Variants in FAM114A1 observed in about 807,000 individuals in gnomAD.
FAM114A1 encodes the protein protein NOXP20.
In FAM114A1, 62 loss-of-function variants were observed where a neutral mutation model predicts 64.3. The observed-to-expected ratio is 0.96, with a 90% confidence interval of 0.79 to 1.19. The LOEUF (loss-of-function observed/expected upper bound fraction) is 1.19, where lower values mean the gene tolerates loss of function less well. Among genes scored for constraint, FAM114A1 ranks in the 50% most tolerant of loss-of-function variants. The pLI is 0.00. For missense variants in FAM114A1, 645 were observed against 676.3 expected (o/e 0.95, Z 0.51); for synonymous variants, 254 against 251.1 (o/e 1.01, Z -0.11).
rs887649495 is a variant in FAM114A1 at position 38,943,627 on chromosome 4, A to G, written c.*70A>G. Reference sequence around the variant, plus strand: ...GCCTCAATATGTACCATTTAAGGGGATGTTCTCTGTGCGCCTGGCCACAGA... The same window carrying G: ...GCCTCAATATGTACCATTTAAGGGGGTGTTCTCTGTGCGCCTGGCCACAGA... On this transcript the variant is annotated 3_prime_UTR_variant, in exon 15 of 15. Coordinates refer to ENST00000358869, the MANE Select transcript of FAM114A1 (RefSeq NM_138389.4). 2.2e-6 allele frequency: 3 copies of G among 1,354,056 alleles called. No individual in the cohort carries two copies. Among genetic ancestry groups the G allele is most frequent in the African/African-American group, 2.9e-5 (2 of 70,028 alleles). The allele number at this position is 1,354,056 out of a possible 1,614,324, so 83.9% of individuals were successfully genotyped here.
At chr4:38,934,075 T>G (rs556083275) in intron 12 of FAM114A1, among the ~76,000 whole-genome samples, 1 of 152,330 alleles carries the variant, frequency 6.6e-6, no homozygotes, top group South Asian at 2.1e-4. Context: ...GGCACTTGCC[T>G]AAACATTTAG....
At chr4:38,929,139 T>A in intron 9 of FAM114A1, 103 bp from the exon 10 acceptor site, 1 of 879,976 alleles carries the variant, frequency 1.1e-6, no homozygotes, top group South Asian at 1.4e-5. Context: ...TGCTACAACC[T>A]CCACTTAGTC....
chr4:38,919,891 G>A lies in FAM114A1; in HGVS notation c.946-2879G>A, dbSNP rs189062040. ...AGGATGGCAACAGGCATGGCGATGCGGTGTTTGATAAAGGTTAAAGAGAAA... is the reference window on the plus strand; with the variant it reads ...AGGATGGCAACAGGCATGGCGATGCAGTGTTTGATAAAGGTTAAAGAGAAA... On this transcript the variant is annotated intron_variant, in intron 8 of 14. Transcript: ENST00000358869. Among the ~76,000 whole-genome samples the A allele has an allele frequency of 3.4e-3, 517 of 152,234 alleles. 2 individuals are homozygous for A. Among genetic ancestry groups the A allele is most frequent in the Non-Finnish European group, 5.7e-3 (391 of 68,008 alleles).
At chr4:38,909,609 C>T (rs1323788784) in intron 7 of FAM114A1, among the ~76,000 whole-genome samples, 1 of 152,158 alleles carries the variant, frequency 6.6e-6, no homozygotes, top group African/African-American at 2.4e-5. Flanking sequence ...ACATGCCTAG[C>T]TTACCCCACA....
chr4:38,874,288 T>C lies in FAM114A1; in HGVS notation c.-8-3783T>C, dbSNP rs145034010. Reference sequence around the variant, plus strand: ...ATGGATACAGTAAGCACTCAATAAATGATAGCTGTTGATACTATATATTCT... The same window carrying C: ...ATGGATACAGTAAGCACTCAATAAACGATAGCTGTTGATACTATATATTCT... On this transcript the variant is annotated intron_variant, in intron 2 of 14. Transcript: ENST00000358869. Among the ~76,000 whole-genome samples, 1,381 of 152,338 alleles carry C rather than the reference T, an allele frequency of 9.1e-3. 27 individuals carry two copies. Among genetic ancestry groups the C allele is most frequent in the African/African-American group, 0.031 (1,290 of 41,564 alleles).
intron 8 of FAM114A1, among the ~76,000 whole-genome samples, chr4:38,918,434 T>C (rs1719280509): frequency 6.6e-6 from 1 of 152,124 alleles, no homozygotes; most frequent in Non-Finnish European, 1.5e-5. Flanking sequence ...AGAAAACAAA[T>C]GGAGGCTTAG....
At chr4:38,910,139 T>C (rs1718399686) in intron 7 of FAM114A1, among the ~76,000 whole-genome samples, 1 of 151,460 alleles carries the variant, frequency 6.6e-6, no homozygotes, top group Admixed American at 6.6e-5. Flanking sequence ...CTCGGGAGGC[T>C]GAGGCAGGGG....
rs1161429742 is a variant in FAM114A1 at position 38,943,584 on chromosome 4, G to C, written c.*27G>C. ...CTGGCCAGACTCCATCTAGTTAAAG[G>C]AGACAGCTGGCCGCCTTGCCTCAAT... On this transcript the variant is annotated 3_prime_UTR_variant, in exon 15 of 15. Coordinates refer to ENST00000358869, the MANE Select transcript of FAM114A1 (RefSeq NM_138389.4). 1 of 1,601,308 alleles carries C rather than the reference G, an allele frequency of 6.2e-7. No individual in the cohort carries two copies. The highest frequency in any genetic ancestry group is 8.6e-7 in the Non-Finnish European group (1 of 1,169,232).
rs1560288152 is a variant in FAM114A1, at chr4:38,880,120, GAATAGAATAGAA to G, written c.348+1695_348+1706del. ...AAATAAAATAGAGTAGAATAGAATA[GAATAGAATAGAA>G]TAGAATAGAATAGAATAGAATAGAA... On this transcript the variant is annotated intron_variant, in intron 3 of 14. Transcript: ENST00000358869. 4.3e-5 allele frequency among the ~76,000 whole-genome samples: 4 copies of G among 92,086 alleles called. 1 individual carries two copies. Among genetic ancestry groups the G allele is most frequent in the Non-Finnish European group, 4.8e-5 (2 of 41,384 alleles). 60.4% of individuals were successfully genotyped at this position (92,086 alleles called of 152,430 possible).
intron 7 of FAM114A1, among the ~76,000 whole-genome samples, chr4:38,914,042 A>G (rs1002695278): frequency 3.3e-5 from 5 of 151,554 alleles, no homozygotes; most frequent in Non-Finnish European, 5.9e-5. Context: ...GGAGGTTGCA[A>G]TGAGCTGAGA....
chr4:38,876,162 CTTTTTTCTTTTTTT>C, intron 2 of FAM114A1, among the ~76,000 whole-genome samples: 1 of 99,262 alleles, frequency 1.0e-5, no homozygotes, highest in Admixed American at 1.1e-4. Flanking sequence ...TAGACTTATT[CTTTTTTCTTTTTTT>C]TTTTTTTTTT....
chr4:38,927,563 CAG>C lies in FAM114A1; in HGVS notation c.1070-1678_1070-1677del, dbSNP rs1174766194. Among the ~76,000 whole-genome samples, 4 of 152,310 alleles carry C rather than the reference CAG, an allele frequency of 2.6e-5. No individual in the cohort carries two copies. The East Asian group carries it at 7.7e-4, about 29-fold the overall frequency. On this transcript the variant is annotated intron_variant, in intron 9 of 14. Coordinates refer to ENST00000358869, the MANE Select transcript of FAM114A1 (RefSeq NM_138389.4). ...TTTCAAAATATTAATTTGGAGAGGACAGGGGCATTCAGACCACAGCACCTCCT... is the reference window on the plus strand; with the variant it reads ...TTTCAAAATATTAATTTGGAGAGGACGGGCATTCAGACCACAGCACCTCCT...
intron 7 of FAM114A1, among the ~76,000 whole-genome samples, chr4:38,914,292 C>T (rs1718833775): frequency 6.6e-6 from 1 of 152,004 alleles, no homozygotes; most frequent in African/African-American, 2.4e-5. Flanking sequence ...TGGCCGGGTG[C>T]AGTGGCTCAC....
intron 7 of FAM114A1, among the ~76,000 whole-genome samples, chr4:38,914,115 A>C (rs1718813903): frequency 6.6e-6 from 1 of 152,054 alleles, no homozygotes; most frequent in African/African-American, 2.4e-5. Context: ...AAATAAAATA[A>C]AATAAAAAAT....
Position 38,931,498 on chromosome 4 carries a change from G to A in FAM114A1, c.1209G>A (p.Val403=), listed in dbSNP as rs947129817. 6.2e-7 allele frequency: 1 copy of A among 1,614,102 alleles called. No homozygotes were observed. Among genetic ancestry groups the A allele is most frequent in the Non-Finnish European group, 8.5e-7 (1 of 1,180,010 alleles). The change falls in exon 11 of 15, where the codon GTG becomes GTA. Residue 403 remains valine (V), a synonymous_variant. Transcript: ENST00000358869. Reference sequence around the variant, plus strand: ...GGGTGGAAGAGGATCAAACCGTGGTGTCAGTAGATGTGGCAAAAGTGTCCG... The same window carrying A: ...GGGTGGAAGAGGATCAAACCGTGGTATCAGTAGATGTGGCAAAAGTGTCCG... ...HDWVEEDQTV[V]SVDVAKVSEE...
At position 38,905,838 on chromosome 4, in the gene FAM114A1, A is replaced by G. The variant is rs1245586126; in HGVS notation, c.634A>G (p.Ile212Val). The G allele has an allele frequency of 2.5e-6, 4 of 1,613,578 alleles. No individual in the cohort carries two copies. In the African/African-American group the frequency reaches 4.0e-5, roughly 16 times the overall value. Residue 212 changes from isoleucine to valine, a missense_variant, in exon 6 of 15, where the codon ATC becomes GTC. Physicochemically the swap from Ile to Val is conservative, Grantham distance 29. Coordinates refer to ENST00000358869, the MANE Select transcript of FAM114A1 (RefSeq NM_138389.4). ...AGCCTCTCGGGGTATGCTGTCTGCC[A>G]TCACCAATGTGGTTCAAAACACAGT... ...SSASRGMLSAITNVVQNTGKS... is the reference protein window; with the variant it reads ...SSASRGMLSAVTNVVQNTGKS...
At chr4:38,933,492 G>T (rs1355845401) in intron 12 of FAM114A1, among the ~76,000 whole-genome samples, 2 of 152,078 alleles carry the variant, frequency 1.3e-5, no homozygotes, top group African/African-American at 4.8e-5. Context: ...AGTTCACTGT[G>T]GGTTGTATGT....
chr4:38,932,337 G>GAAAA lies in FAM114A1; in HGVS notation c.1428_1431dup (p.Pro478LysfsTer20). The GAAAA allele has an allele frequency of 6.2e-7, 1 of 1,612,442 alleles. No homozygotes were observed. Among genetic ancestry groups the GAAAA allele is most frequent in the Non-Finnish European group, 8.5e-7 (1 of 1,179,592 alleles). The stretch of plus-strand genomic sequence containing the variant: ...ATTAATTCTTCATGGACAAGAAGAG[G>GAAAA]AAAAACCAGCTCAGGACCAAGCAAA... On this transcript the variant is annotated frameshift_variant, in exon 12 of 15. Transcript: ENST00000358869. LOFTEE classifies it high-confidence loss of function.
At chr4:38,881,489 G>A (rs1715271306) in intron 3 of FAM114A1, among the ~76,000 whole-genome samples, 1 of 152,146 alleles carries the variant, frequency 6.6e-6, no homozygotes, top group Non-Finnish European at 1.5e-5. Context: ...ATTGTGTTGG[G>A]TCAGAAGCTC....
Sources: gnomAD v4.1 joint callset for allele counts (sites outside exome capture counted in the v4.1 genomes callset) on GRCh38, gnomAD v4.1.1 for gene constraint, MANE v1.5 for transcripts, NCBI Gene and HGNC (gene_info 2026-07-23, HGNC 2026-07-21) for gene names.